Variants in ABCA12 observed in about 807,000 individuals in gnomAD.
ABCA12 encodes the protein ATP binding cassette subfamily A member 12, also known as glucosylceramide transporter ABCA12.
In ABCA12, 156 loss-of-function variants were observed where a neutral mutation model predicts 293.5. That is an observed-to-expected ratio of 0.53 (90% CI 0.47 to 0.61). ABCA12 has a LOEUF of 0.61. ABCA12 is among the 20% of genes least tolerant of loss of function. ABCA12 has a pLI of 0.00. For synonymous variants in ABCA12, 1,063 were observed against 1,108.0 expected, an observed-to-expected ratio of 0.96 and a Z score of 0.81; for missense variants, 2,797 against 3,090.2, an observed-to-expected ratio of 0.91 and a Z score of 2.25.
intron 52 of ABCA12, 79 bp from the exon 53 acceptor site, chr2:214,932,820 TCC>T: frequency 1.0e-6 from 1 of 969,716 alleles, no homozygotes; most frequent in Non-Finnish European, 1.6e-6. Flanking sequence ...TCTCTCTCTC[TCC>T]CCTTCCTCTC....
chr2:215,103,448 T>A (rs1303652175), intron 2 of ABCA12, among the ~76,000 whole-genome samples: 2 of 151,870 alleles, frequency 1.3e-5, no homozygotes, highest in Non-Finnish European at 2.9e-5. Context: ...TTTTGTATTT[T>A]TAGTAGAGAC....
At chr2:214,986,838 G>T in intron 27 of ABCA12, 110 bp from the exon 28 acceptor site, 1 of 1,002,046 alleles carries the variant, frequency 1.0e-6, no homozygotes, top group Non-Finnish European at 1.5e-6. Context: ...AACCCTCTAA[G>T]TAAAATAAAA....
intron 2 of ABCA12, among the ~76,000 whole-genome samples, chr2:215,092,481 T>A (rs1702168185): frequency 6.6e-6 from 1 of 152,012 alleles, no homozygotes; most frequent in Non-Finnish European, 1.5e-5. Context: ...AACCCACAAG[T>A]ATTGGACACC....
intron 30 of ABCA12, among the ~76,000 whole-genome samples, 177 bp downstream of exon 30, chr2:214,982,010 C>T (rs1699677367): frequency 1.3e-5 from 2 of 149,234 alleles, no homozygotes; most frequent in Non-Finnish European, 3.0e-5. Flanking sequence ...CAGCGTCTCA[C>T]TATGTTACCC....
At chr2:215,137,071 A>G (rs1703245570) in intron 1 of ABCA12, among the ~76,000 whole-genome samples, 2 of 152,050 alleles carry the variant, frequency 1.3e-5, no homozygotes, top group Non-Finnish European at 1.5e-5. Flanking sequence ...AAATAAAAAC[A>G]TGAATGAGTT....
chr2:214,959,196 G>C (rs936145951), intron 39 of ABCA12, 118 bp from the exon 40 acceptor site: 1 of 916,830 alleles, frequency 1.1e-6, no homozygotes, highest in African/African-American at 1.7e-5. Context: ...AATTTTATTT[G>C]GGGGACCTTT....
intron 22 of ABCA12, among the ~76,000 whole-genome samples, chr2:214,998,198 CCTAA>C (rs1262680523): frequency 6.6e-6 from 1 of 152,106 alleles, no homozygotes; most frequent in Non-Finnish European, 1.5e-5. Context: ...GATTGGTTTA[CCTAA>C]CTAAAAGCTA....
At chr2:214,934,984 C>T (rs906997563) in intron 51 of ABCA12, among the ~76,000 whole-genome samples, 1 of 152,116 alleles carries the variant, frequency 6.6e-6, no homozygotes, top group Non-Finnish European at 1.5e-5. Context: ...AACTTTCTTG[C>T]AGAAAGCAGC....
intron 7 of ABCA12, chr2:215,044,632 G>C (rs1304527126): frequency 1.3e-5 from 2 of 152,120 alleles, no homozygotes; most frequent in African/African-American, 4.8e-5. Flanking sequence ...AAAGAGTATA[G>C]GACTGGGATT....
chr2:215,128,412 T>G (rs1702975067), intron 1 of ABCA12, among the ~76,000 whole-genome samples: 1 of 152,226 alleles, frequency 6.6e-6, no homozygotes, highest in South Asian at 2.1e-4. Context: ...TTTAGAATTC[T>G]CTTCTTCCTT....
At chr2:215,059,873 A>C (rs1701493376) in intron 3 of ABCA12, among the ~76,000 whole-genome samples, 1 of 152,046 alleles carries the variant, frequency 6.6e-6, no homozygotes, top group Non-Finnish European at 1.5e-5. Context: ...CCAACTATGC[A>C]ACTGCCTCTA....
intron 52 of ABCA12, 30 bp downstream of exon 52, chr2:214,934,048 T>C: frequency 6.2e-7 from 1 of 1,600,058 alleles, no homozygotes; most frequent in Non-Finnish European, 8.6e-7. Context: ...TATGTGACGT[T>C]GTGCACATGG....
intron 1 of ABCA12, 151 bp from the exon 2 acceptor site, chr2:215,111,841 A>T: frequency 1.5e-6 from 1 of 646,132 alleles, no homozygotes. Flanking sequence ...AGTGAATGAG[A>T]GATTTTTTTA....
At chr2:215,100,106 C>G (rs1160551267) in intron 2 of ABCA12, among the ~76,000 whole-genome samples, 1 of 151,978 alleles carries the variant, frequency 6.6e-6, no homozygotes, top group Admixed American at 6.6e-5. Context: ...CCTCGACCTC[C>G]CAGGCTCAAG....
Position 214,980,570 on chromosome 2 carries a change from C to A in ABCA12, c.4653G>T (p.Glu1551Asp), listed in dbSNP as rs371578156. The A allele has an allele frequency of 1.9e-6, 3 of 1,613,968 alleles. No individual in the cohort carries two copies. Among genetic ancestry groups the A allele is most frequent in the Non-Finnish European group, 2.5e-6 (3 of 1,180,018 alleles). ...ACCCACAGCACCTAAGCCCACCCTG[C>A]TCCAGGAAGGCGATGCGGTCACTCA... ...EVLSDRIAFL[E>D]QGGLRCCGSP... is the part of the protein sequence containing the mutation. Residue 1551 changes from glutamate (E) to aspartate (D), a missense_variant, in exon 31 of 53, where the codon GAG (glutamate) becomes GAT (aspartate). This residue lies in a region of ABCA12 where 2,130 missense variants were observed against 2,427.0 expected (regional missense o/e 0.88). Transcript: ENST00000272895.
chr2:215,134,651 A>ATT (rs1703171454), intron 1 of ABCA12, among the ~76,000 whole-genome samples: 2 of 99,284 alleles, frequency 2.0e-5, no homozygotes, highest in African/African-American at 9.5e-5. Flanking sequence ...ACAAACAGAG[A>ATT]GAGAGAGAGA....
At chr2:214,938,627 T>C (rs558451700) in intron 50 of ABCA12, among the ~76,000 whole-genome samples, 6 of 152,316 alleles carry the variant, frequency 3.9e-5, no homozygotes, top group African/African-American at 7.2e-5. Flanking sequence ...CCAGCATCTG[T>C]TGTTTCCTAA....
chr2:215,010,346 C>T lies in ABCA12; in HGVS notation c.2457G>A (p.Lys819=). The part of the protein sequence containing the change: ...ILYAPYNPVT[K]AIMEKSNVTL... The stretch of plus-strand genomic sequence containing the variant: ...ATGGTCAAACCTTTTCCATTATTGC[C>T]TTTGTGACTGGGTTATATGGTGCAT... The change falls in exon 18 of 53, where the codon AAG becomes AAA. Residue 819 remains lysine (K), a synonymous_variant. Transcript: ENST00000272895. 1 of 1,613,670 alleles carries T rather than the reference C, an allele frequency of 6.2e-7. No individual in the cohort carries two copies. The highest frequency in any genetic ancestry group is 8.5e-7 in the Non-Finnish European group (1 of 1,179,722).
intron 36 of ABCA12, among the ~76,000 whole-genome samples, chr2:214,973,707 G>T (rs1699440200): frequency 6.6e-6 from 1 of 152,046 alleles, no homozygotes; most frequent in Admixed American, 6.6e-5. Flanking sequence ...ATTTTCGGTT[G>T]GTTTCCACAA....
Sources: allele counts gnomAD v4.1 joint callset (sites outside exome capture counted in the v4.1 genomes callset), GRCh38; gene constraint gnomAD v4.1.1; regional missense constraint gnomAD v4.1.1; transcripts MANE v1.5; gene names NCBI Gene and HGNC (gene_info 2026-07-23, HGNC 2026-07-21).